DTNB: variants seen among roughly 807,000 people sequenced by gnomAD.
DTNB encodes dystrobrevin beta, also known as DTN-B.
Under a neutral mutation model 90.7 loss-of-function variants are expected in DTNB, and 63 were observed. The ratio of observed to expected loss-of-function variants is 0.69; its 90% CI spans 0.57 to 0.86. DTNB has a LOEUF of 0.86. Ranked by LOEUF, DTNB falls within the 40% of genes least tolerant of loss-of-function variation. The pLI is 0.00. For synonymous variants in DTNB, 277 were observed against 286.7 expected (o/e 0.97, Z 0.34); for missense variants, 744 against 807.1 (o/e 0.92, Z 0.95).
chr2:25,420,278 T>TC (rs2049113066), intron 15 of DTNB, among the ~76,000 whole-genome samples: 4 of 148,598 alleles, frequency 2.7e-5, no homozygotes, highest in Non-Finnish European at 6.0e-5. Flanking sequence ...TTTTTTTTTT[T>TC]TTTTTTTTTT....
intron 9 of DTNB, among the ~76,000 whole-genome samples, chr2:25,500,762 T>C (rs1053941552): frequency 6.6e-6 from 1 of 152,134 alleles, no homozygotes; most frequent in Non-Finnish European, 1.5e-5. Flanking sequence ...TAAACATAAA[T>C]TAATGCATAA....
At chr2:25,587,442 T>C (rs1362351093) in intron 6 of DTNB, among the ~76,000 whole-genome samples, 12 of 152,122 alleles carry the variant, frequency 7.9e-5, no homozygotes, top group Admixed American at 7.9e-4. Flanking sequence ...CATAAAGCAG[T>C]AAGGCAGAGG....
intron 8 of DTNB, among the ~76,000 whole-genome samples, chr2:25,548,966 A>G (rs547905414): frequency 9.8e-5 from 15 of 152,328 alleles, no homozygotes; most frequent in Non-Finnish European, 1.9e-4. Context: ...GCTGACACCA[A>G]TTCTTGACAA....
intron 4 of DTNB, among the ~76,000 whole-genome samples, chr2:25,613,224 C>G (rs2069135260): frequency 6.6e-6 from 1 of 152,102 alleles, no homozygotes; most frequent in Non-Finnish European, 1.5e-5. Flanking sequence ...GCTTGGATTA[C>G]AGGCATGAGC....
intron 10 of DTNB, among the ~76,000 whole-genome samples, chr2:25,481,167 G>A (rs2064856009): frequency 6.6e-6 from 1 of 152,054 alleles, no homozygotes; most frequent in Admixed American, 6.5e-5. Context: ...GGAGTCTGAG[G>A]CAGTTGGATC....
intron 8 of DTNB, among the ~76,000 whole-genome samples, chr2:25,549,352 T>A (rs2083118626): frequency 1.3e-5 from 2 of 152,216 alleles, no homozygotes; most frequent in South Asian, 4.1e-4. Flanking sequence ...TTGGTCAAGG[T>A]TGTTTTTGCT....
At position 25,424,467 on chromosome 2, in the gene DTNB, C is replaced by G. The variant is rs2050834223; in HGVS notation, c.1554+3068G>C. On this transcript the variant is annotated intron_variant, in intron 15 of 20. Transcript: ENST00000406818. This position sits in a 1 kb window ranked among gnomAD's most constrained non-coding sequence, Gnocchi z 4.1. Reference sequence around the variant, plus strand: ...TTGGGGTCAGTAGTTCTGGGGATCACTAAGACAATCCAACTGAAAGGCAAT... The same window carrying G: ...TTGGGGTCAGTAGTTCTGGGGATCAGTAAGACAATCCAACTGAAAGGCAAT... Among the ~76,000 whole-genome samples the G allele has an allele frequency of 6.6e-6, 1 of 152,136 alleles. No individual in the cohort carries two copies. The highest frequency in any genetic ancestry group is 1.5e-5 in the Non-Finnish European group (1 of 68,038).
chr2:25,573,777 C>T (rs1446289896), intron 8 of DTNB, among the ~76,000 whole-genome samples: 1 of 152,140 alleles, frequency 6.6e-6, no homozygotes, highest in African/African-American at 2.4e-5. Flanking sequence ...AAGTGTGCCA[C>T]GTGACTGCTA....
rs34017287 is a variant in DTNB at position 25,498,847 on chromosome 2, C to CAAAA, written c.1002-15978_1002-15975dup. 8.8e-3 allele frequency among the ~76,000 whole-genome samples: 572 copies of CAAAA among 64,898 alleles called. 21 individuals carry two copies. Among genetic ancestry groups the CAAAA allele is most frequent in the Middle Eastern group, 0.02 (2 of 98 alleles). The allele number at this position is 64,898 out of a possible 152,430, so 42.6% of individuals were successfully genotyped here. A position where few individuals can be genotyped will look rare whatever the true frequency, so the allele number is the denominator to read the frequency against. ...TGTGCAACAGAATGAAACCCTGTCT[C>CAAAA]AAAAAAAAAAAAAAAAAAAAAAGAT... On this transcript the variant is annotated intron_variant, in intron 9 of 20. Transcript: ENST00000406818.
intron 12 of DTNB, among the ~76,000 whole-genome samples, chr2:25,447,472 T>C (rs1421157764): frequency 2.0e-5 from 3 of 152,050 alleles, no homozygotes; most frequent in East Asian, 1.9e-4. Flanking sequence ...ATAAGCTTTC[T>C]TTTTCTGTGT....
intron 10 of DTNB, among the ~76,000 whole-genome samples, chr2:25,458,629 C>G (rs182734585): frequency 4.0e-5 from 6 of 151,432 alleles, no homozygotes; most frequent in Non-Finnish European, 7.4e-5. Flanking sequence ...CCCCCACACC[C>G]GGCTAATATT....
chr2:25,504,248 A>G (rs529042226), intron 9 of DTNB, among the ~76,000 whole-genome samples: 1 of 152,010 alleles, frequency 6.6e-6, no homozygotes, highest in Admixed American at 6.6e-5. Context: ...AGCCTGGGTG[A>G]CAGAGAGAAA....
At chr2:25,396,386 C>G (rs1289963229) in intron 16 of DTNB, among the ~76,000 whole-genome samples, 1 of 152,088 alleles carries the variant, frequency 6.6e-6, no homozygotes, top group Non-Finnish European at 1.5e-5. Context: ...TGGTTCATGT[C>G]TGTAATACCA....
chr2:25,496,825 A>G (rs1431689428), intron 9 of DTNB, among the ~76,000 whole-genome samples: 1 of 150,186 alleles, frequency 6.7e-6, no homozygotes, highest in Non-Finnish European at 1.5e-5. Flanking sequence ...CCTGGGTGAC[A>G]GAGTGAGACT....
intron 16 of DTNB, among the ~76,000 whole-genome samples, chr2:25,401,854 T>G (rs1343770095): frequency 6.6e-6 from 1 of 152,238 alleles, no homozygotes; most frequent in Admixed American, 6.5e-5. Flanking sequence ...CCCTGACTCA[T>G]GGACACCTGC....
intron 3 of DTNB, among the ~76,000 whole-genome samples, chr2:25,633,690 C>G (rs571293160): frequency 6.6e-6 from 1 of 151,988 alleles, no homozygotes; most frequent in South Asian, 2.1e-4. Context: ...AGCGTCTCTG[C>G]CCGGCCGCTA....
chr2:25,470,051 G>A (rs935351891), intron 10 of DTNB, among the ~76,000 whole-genome samples: 13 of 152,190 alleles, frequency 8.5e-5, no homozygotes, highest in Non-Finnish European at 1.5e-5. Context: ...GAGAAATGCT[G>A]AGTGAGAAGC....
At chr2:25,379,207 G>C (rs2036800591) in intron 20 of DTNB, 83 bp downstream of exon 20, 2 of 1,260,586 alleles carry the variant, frequency 1.6e-6, no homozygotes, top group Admixed American at 4.1e-5. Flanking sequence ...CTAGGGACCT[G>C]TGACTGCAGG....
chr2:25,383,589 C>T (rs1454347517), intron 19 of DTNB: 2 of 689,698 alleles, frequency 2.9e-6, no homozygotes, highest in Non-Finnish European at 4.7e-6. Context: ...CTACTTGTAT[C>T]TACTTCCTGT....
Sources: allele counts gnomAD v4.1 joint callset (sites outside exome capture counted in the v4.1 genomes callset), GRCh38; gene constraint gnomAD v4.1.1; non-coding constraint Gnocchi (gnomAD v3.1); transcripts MANE v1.5; gene names NCBI Gene and HGNC (gene_info 2026-07-23, HGNC 2026-07-21).